The following ADGRD1 variants were observed in gnomAD, a reference collection of about 807,000 sequenced individuals.
The protein encoded by ADGRD1 is G-protein coupled receptor 133.
ADGRD1 carries 77 observed loss-of-function variants against 113.4 expected under a neutral mutation model. The ratio of observed to expected loss-of-function variants is 0.68; its 90% CI spans 0.57 to 0.82. ADGRD1 has a LOEUF of 0.82. ADGRD1 is among the 40% of genes least tolerant of loss of function. The probability of loss-of-function intolerance (pLI) is 0.00; values close to 1 mark genes in which losing one functional copy is unlikely to be tolerated. For missense variants in ADGRD1, 1,036 were observed against 1,139.1 expected, an observed-to-expected ratio of 0.91 and a Z score of 1.30; for synonymous variants, 474 against 475.0, an observed-to-expected ratio of 1.00 and a Z score of 0.03.
Position 131,116,717 on chromosome 12 carries a change from G to C in ADGRD1, c.2042-1668G>C, listed in dbSNP as rs543518717. On this transcript the variant is annotated intron_variant, in intron 18 of 24. Coordinates refer to ENST00000261654, the MANE Select transcript of ADGRD1 (RefSeq NM_198827.5). The stretch of plus-strand genomic sequence containing the variant: ...AGATGTGCCAGGAGCTGTGTCTCTT[G>C]AGCATCCTCCTGGGGAAAAGGTTCA... Among the ~76,000 whole-genome samples, 55 of 152,292 alleles carry C rather than the reference G, an allele frequency of 3.6e-4. 1 individual carries two copies. In the South Asian group the frequency reaches 0.01, roughly 28 times the overall value.
chr12:131,034,764 G>A (rs950620284), intron 13 of ADGRD1, among the ~76,000 whole-genome samples: 1 of 152,172 alleles, frequency 6.6e-6, no homozygotes, highest in African/African-American at 2.4e-5. Context: ...CTCTGGAGAA[G>A]GTGGCTCTAC....
At position 131,050,482 on chromosome 12, in the gene ADGRD1, C is replaced by T. The variant is rs1309644644; in HGVS notation, c.1474-26319C>T. The stretch of plus-strand genomic sequence containing the variant: ...GAGGTTTAATTGCCTCACGGTTCTG[C>T]AGGGGGAACAGGAAGCATGGTGCTG... On this transcript the variant is annotated intron_variant, in intron 13 of 24. Coordinates refer to ENST00000261654, the MANE Select transcript of ADGRD1 (RefSeq NM_198827.5). This position sits in a 1 kb window ranked among gnomAD's most constrained non-coding sequence, Gnocchi z 4.8. Among the ~76,000 whole-genome samples, 2 of 152,070 alleles carry T rather than the reference C, an allele frequency of 1.3e-5. No homozygotes were observed. The highest frequency in any genetic ancestry group is 4.8e-5 in the African/African-American group (2 of 41,402).
intron 13 of ADGRD1, among the ~76,000 whole-genome samples, chr12:131,046,268 TC>T (rs1378064579): frequency 4.0e-3 from 31 of 7,736 alleles, no homozygotes; most frequent in South Asian, 0.026. Context: ...TGGTCAGTGC[TC>T]CCTCCCTGGT....
At chr12:130,994,201 C>G (rs186329857) in intron 8 of ADGRD1, 1 of 429,080 alleles carries the variant, frequency 2.3e-6, no homozygotes, top group East Asian at 7.2e-5. Flanking sequence ...TATAGACAAG[C>G]TGGAAGGTCC....
At chr12:131,071,073 G>A (rs1319190046) in intron 13 of ADGRD1, among the ~76,000 whole-genome samples, 2 of 148,992 alleles carry the variant, frequency 1.3e-5, no homozygotes, top group Non-Finnish European at 3.0e-5. Flanking sequence ...AGGAGGTGGG[G>A]CTAAGTGAAA....
At chr12:131,033,885 T>C (rs558464931) in intron 13 of ADGRD1, among the ~76,000 whole-genome samples, 1 of 152,226 alleles carries the variant, frequency 6.6e-6, no homozygotes, top group Non-Finnish European at 1.5e-5. Context: ...TGAGCGTCTG[T>C]GCATTTTCAC....
intron 9 of ADGRD1, chr12:131,002,454 T>C: frequency 1.1e-6 from 1 of 925,076 alleles, no homozygotes; most frequent in Non-Finnish European, 1.3e-6. Context: ...AAGTGCGTGT[T>C]TGTGGGAGAA....
intron 13 of ADGRD1, among the ~76,000 whole-genome samples, chr12:131,076,044 A>G (rs1183793779): frequency 3.3e-5 from 5 of 152,194 alleles, no homozygotes; most frequent in Non-Finnish European, 1.5e-5. Flanking sequence ...CATTTAGGGT[A>G]GAGCATAGCT....
intron 23 of ADGRD1, 109 bp from the exon 24 acceptor site, chr12:131,138,028 C>T: frequency 1.2e-6 from 1 of 858,744 alleles, no homozygotes; most frequent in South Asian, 1.4e-5. Flanking sequence ...TTTCCAAATC[C>T]CAACCTCCCT....
intron 6 of ADGRD1, chr12:130,988,568 G>C (rs1278567242): frequency 6.6e-6 from 1 of 152,252 alleles, no homozygotes; most frequent in African/African-American, 2.4e-5. Flanking sequence ...AGAAAGCCAT[G>C]TGTTTCTTTT....
intron 11 of ADGRD1, 118 bp downstream of exon 11, chr12:131,004,414 C>CCTGCGGTGCTCCCCCGGGCCGA: frequency 1.3e-6 from 1 of 785,064 alleles, no homozygotes; most frequent in Non-Finnish European, 2.1e-6. Flanking sequence ...CCCCGGGCCG[C>CCTGCGGTGCTCCCCCGGGCCGA]CTGCGGTGCT....
intron 13 of ADGRD1, among the ~76,000 whole-genome samples, chr12:131,068,325 T>G (rs982628880): frequency 2.0e-5 from 3 of 152,100 alleles, no homozygotes; most frequent in Non-Finnish European, 2.9e-5. Context: ...GGCATTTGGG[T>G]TTTTTTCTCT....
At chr12:131,101,669 C>T (rs1950092064) in intron 15 of ADGRD1, among the ~76,000 whole-genome samples, 1 of 152,116 alleles carries the variant, frequency 6.6e-6, no homozygotes, top group Non-Finnish European at 1.5e-5. Context: ...AGGCGTGAGC[C>T]ACTGTGTCTG....
intron 15 of ADGRD1, among the ~76,000 whole-genome samples, chr12:131,095,582 G>A (rs1887221780): frequency 6.6e-6 from 1 of 152,194 alleles, no homozygotes; most frequent in African/African-American, 2.4e-5. Context: ...CGGGTGACCA[G>A]GACTGGGAAC....
At chr12:131,109,069 T>A (rs1365451155) in intron 18 of ADGRD1, among the ~76,000 whole-genome samples, 192 bp downstream of exon 18, 1 of 152,056 alleles carries the variant, frequency 6.6e-6, no homozygotes, top group East Asian at 1.9e-4. Flanking sequence ...CTTCATATTA[T>A]CCTTCTTGGT....
At chr12:131,058,033 G>A (rs1217992896) in intron 13 of ADGRD1, among the ~76,000 whole-genome samples, 1 of 152,232 alleles carries the variant, frequency 6.6e-6, no homozygotes, top group African/African-American at 2.4e-5. Flanking sequence ...AAGAGAAGCA[G>A]ACAGCAACTT....
intron 3 of ADGRD1, chr12:130,969,002 G>A: frequency 6.5e-7 from 1 of 1,535,132 alleles, no homozygotes; most frequent in Non-Finnish European, 8.7e-7. Context: ...AGCTCACTGT[G>A]CTTCCTTCCC....
At chr12:131,095,454 G>T (rs1887211325) in intron 15 of ADGRD1, among the ~76,000 whole-genome samples, 1 of 152,238 alleles carries the variant, frequency 6.6e-6, no homozygotes, top group Non-Finnish European at 1.5e-5. Flanking sequence ...AGTGTGCTGG[G>T]CTGGAGCCGC....
intron 20 of ADGRD1, among the ~76,000 whole-genome samples, chr12:131,121,537 C>G (rs1011702533): frequency 8.5e-5 from 13 of 152,180 alleles, no homozygotes; most frequent in Admixed American, 5.9e-4. Flanking sequence ...TGCGCCACCA[C>G]GCCCAGCTAA....
Sources: gnomAD v4.1 joint callset for allele counts (sites outside exome capture counted in the v4.1 genomes callset) on GRCh38, gnomAD v4.1.1 for gene constraint, Gnocchi (gnomAD v3.1) non-coding constraint, MANE v1.5 for transcripts, NCBI Gene and HGNC (gene_info 2026-07-23, HGNC 2026-07-21) for gene names.